The following RPRD2 variants were observed in gnomAD, a reference collection of about 807,000 sequenced individuals.
The protein encoded by RPRD2 is regulation of nuclear pre-mRNA domain containing 2, also known as regulation of nuclear pre-mRNA domain-containing protein 2.
A neutral mutation model predicts 104.4 loss-of-function variants in RPRD2; 12 were observed. The ratio of observed to expected loss-of-function variants is 0.11; its 90% CI spans 0.07 to 0.19. The LOEUF is 0.19. RPRD2 is among the 10% of genes least tolerant of loss of function. The pLI is 1.00. For missense variants in RPRD2, 1,543 were observed against 1,790.1 expected (o/e 0.86, Z 2.49); for synonymous variants, 714 against 684.9 (o/e 1.04, Z -0.66).
chr1:150,432,493 G>C (rs1457448340), intron 2 of RPRD2, among the ~76,000 whole-genome samples: 1 of 151,968 alleles, frequency 6.6e-6, no homozygotes, highest in Non-Finnish European at 1.5e-5. Context: ...GTCTAAGGGA[G>C]GTAGTGAAAA....
intron 1 of RPRD2, among the ~76,000 whole-genome samples, chr1:150,378,959 G>C (rs1276213842): frequency 2.8e-5 from 4 of 143,250 alleles, no homozygotes; most frequent in Non-Finnish European, 6.0e-5. Context: ...ATCAGCCTGG[G>C]CAACAGAGTG....
chr1:150,433,291 C>CA (rs1422820908), intron 2 of RPRD2, among the ~76,000 whole-genome samples: 1 of 150,818 alleles, frequency 6.6e-6, no homozygotes, highest in Admixed American at 6.6e-5. Context: ...GCATACAAAG[C>CA]AAAACTACTT....
chr1:150,389,054 G>T (rs1661860442), intron 1 of RPRD2, among the ~76,000 whole-genome samples: 1 of 150,416 alleles, frequency 6.6e-6, no homozygotes, highest in Non-Finnish European at 1.5e-5. Context: ...GTTTTTCCCT[G>T]CAGACAGAGT....
chr1:150,381,328 G>T (rs1005738222), intron 1 of RPRD2, among the ~76,000 whole-genome samples: 1 of 151,826 alleles, frequency 6.6e-6, no homozygotes, highest in Non-Finnish European at 1.5e-5. Flanking sequence ...AGCCTGAGGT[G>T]GGAGGATTGC....
rs1668852707 is a variant in RPRD2, at chr1:150,475,575, T to C, written c.*2241T>C. On this transcript the variant is annotated 3_prime_UTR_variant, in exon 11 of 11. Transcript: ENST00000369068. ...TTTAAGGAGTTGGGTTTTTGTGGGG[T>C]ACTTTTTTGTTTTTTAAGCCACAAA... 1 of 152,528 alleles carries C rather than the reference T, an allele frequency of 6.6e-6. No individual in the cohort carries two copies. Among genetic ancestry groups the C allele is most frequent in the Admixed American group, 6.6e-5 (1 of 15,254 alleles). 9.4% of individuals were successfully genotyped at this position (152,528 alleles called of 1,614,324 possible). A position where few individuals can be genotyped will look rare whatever the true frequency, so the allele number is the denominator to read the frequency against.
chr1:150,471,299 A>C lies in RPRD2; in HGVS notation c.2351A>C (p.Asn784Thr), dbSNP rs776502024. 2.5e-6 allele frequency: 4 copies of C among 1,613,762 alleles called. No individual in the cohort carries two copies. The highest frequency in any genetic ancestry group is 2.2e-5 in the South Asian group (2 of 91,044). The change falls in exon 11 of 11, where the codon AAT becomes ACT. Residue 784 changes from asparagine (N) to threonine (T), a missense_variant. Transcript: ENST00000369068. The surrounding 1 kb of genome is among the most constrained non-coding windows in gnomAD (Gnocchi z 5.3). ...RDESYPRELSNSVSTYRPFGL... is the reference protein window; with the variant it reads ...RDESYPRELSTSVSTYRPFGL... ...GAAAGCTACCCCCGAGAGCTCTCCAATTCTGTATCTACATATCGACCCTTT... is the reference window on the plus strand; with the variant it reads ...GAAAGCTACCCCCGAGAGCTCTCCACTTCTGTATCTACATATCGACCCTTT...
intron 1 of RPRD2, among the ~76,000 whole-genome samples, chr1:150,367,263 T>C (rs1659907778): frequency 6.6e-6 from 1 of 152,214 alleles, no homozygotes; most frequent in Non-Finnish European, 1.5e-5. Flanking sequence ...GAGAGAAATA[T>C]TCAGCAGAAT....
intron 1 of RPRD2, among the ~76,000 whole-genome samples, chr1:150,404,997 G>T (rs1553886213): frequency 6.6e-6 from 1 of 152,190 alleles, no homozygotes; most frequent in East Asian, 1.9e-4. Context: ...GGTAGTTCAT[G>T]AAAATTTATT....
At chr1:150,443,984 C>T (rs1389148378) in intron 5 of RPRD2, among the ~76,000 whole-genome samples, 1 of 152,136 alleles carries the variant, frequency 6.6e-6, no homozygotes, top group African/African-American at 2.4e-5. Context: ...TGCCACTGCA[C>T]TCCAACCTGG....
At chr1:150,373,037 G>A (rs1408797667) in intron 1 of RPRD2, among the ~76,000 whole-genome samples, 12 of 150,196 alleles carry the variant, frequency 8.0e-5, no homozygotes, top group Middle Eastern at 3.2e-3. Context: ...TTTTTGAGAC[G>A]GAATTTTGCT....
At chr1:150,415,354 A>G (rs1359873250) in intron 1 of RPRD2, among the ~76,000 whole-genome samples, 1 of 151,820 alleles carries the variant, frequency 6.6e-6, no homozygotes, top group Non-Finnish European at 1.5e-5. Flanking sequence ...AATAATTAAT[A>G]AGTAAATACA....
chr1:150,438,500 G>C (rs1287420004), intron 2 of RPRD2, among the ~76,000 whole-genome samples: 1 of 151,644 alleles, frequency 6.6e-6, no homozygotes, highest in African/African-American at 2.4e-5. Flanking sequence ...GTGGTGGCAG[G>C]CGCCTATAAT....
At chr1:150,368,666 G>C (rs752910862) in intron 1 of RPRD2, among the ~76,000 whole-genome samples, 1 of 152,040 alleles carries the variant, frequency 6.6e-6, no homozygotes, top group Non-Finnish European at 1.5e-5. Flanking sequence ...GTTTCACCAT[G>C]TTGGCCAGGC....
chr1:150,443,524 T>C (rs1666544100), intron 5 of RPRD2, among the ~76,000 whole-genome samples: 1 of 152,190 alleles, frequency 6.6e-6, no homozygotes, highest in Non-Finnish European at 1.5e-5. Context: ...GCATATTCAA[T>C]TTATGCCAGC....
At chr1:150,430,326 T>A (rs1665466727) in intron 2 of RPRD2, among the ~76,000 whole-genome samples, 1 of 152,162 alleles carries the variant, frequency 6.6e-6, no homozygotes, top group African/African-American at 2.4e-5. Context: ...TACGCAAGAA[T>A]GTAGTTCTGA....
intron 4 of RPRD2, among the ~76,000 whole-genome samples, chr1:150,442,864 G>A (rs916739522): frequency 6.6e-6 from 1 of 151,944 alleles, no homozygotes; most frequent in African/African-American, 2.4e-5. Flanking sequence ...CAGTGCTCAG[G>A]ATTAATTGGA....
At chr1:150,395,734 C>G (rs1371818895) in intron 1 of RPRD2, among the ~76,000 whole-genome samples, 2 of 152,160 alleles carry the variant, frequency 1.3e-5, no homozygotes, top group Non-Finnish European at 1.5e-5. Context: ...TGGTCTCGAA[C>G]TCCTGACCTC....
chr1:150,405,037 A>G (rs1663359313), intron 1 of RPRD2, among the ~76,000 whole-genome samples: 2 of 152,168 alleles, frequency 1.3e-5, no homozygotes, highest in Admixed American at 1.3e-4. Flanking sequence ...GGATTTTGTC[A>G]AGTATTGCTG....
rs761230359 is a variant in RPRD2, at chr1:150,471,661, C to T, written c.2713C>T (p.Arg905Cys). ...ALLDSSENCD[R>C]LSSSPGLFGA... ...CCTGGACTCTAGTGAGAACTGTGAC[C>T]GTCTCTCATCTTCCCCTGGGCTATT... Residue 905 changes from arginine (R) to cysteine (C), a missense_variant, in exon 11 of 11, where the codon CGT becomes TGT. Arg to Cys is a radical substitution (Grantham distance 180, BLOSUM62 -3). Around this residue, in one of 4 missense-constraint regions of RPRD2, gnomAD observed 880 missense variants for 885.6 expected, o/e 0.99. Coordinates refer to ENST00000369068, the MANE Select transcript of RPRD2 (RefSeq NM_015203.5). This position sits in a 1 kb window ranked among gnomAD's most constrained non-coding sequence, Gnocchi z 5.3. 47 of 1,613,848 alleles carry T rather than the reference C, an allele frequency of 2.9e-5. No homozygotes were observed. The South Asian group carries it at 3.0e-4, about 10-fold the overall frequency.
Sources: gnomAD v4.1 joint callset for allele counts (sites outside exome capture counted in the v4.1 genomes callset) on GRCh38, gnomAD v4.1.1 for gene constraint, gnomAD v4.1.1 regional missense constraint, Gnocchi (gnomAD v3.1) non-coding constraint, MANE v1.5 for transcripts, NCBI Gene and HGNC (gene_info 2026-07-23, HGNC 2026-07-21) for gene names.